Variants in STRA6 observed in about 807,000 individuals in gnomAD.
STRA6 encodes signaling receptor and transporter of retinol STRA6, also known as receptor for retinol uptake STRA6.
Under a neutral mutation model 83.6 loss-of-function variants are expected in STRA6, and 48 were observed. That is an observed-to-expected ratio of 0.57 (90% confidence interval 0.46 to 0.73). The LOEUF is 0.73. Among genes scored for constraint, STRA6 ranks in the 30% least tolerant of loss-of-function variants. The pLI is 0.00. For missense variants in STRA6, 760 were observed against 838.8 expected (o/e 0.91, Z 1.16); for synonymous variants, 353 against 362.3 (o/e 0.97, Z 0.29).
At chr15:74,184,922 A>G (rs2073167543) in intron 13 of STRA6, 58 bp downstream of exon 13, 1 of 1,567,366 alleles carries the variant, frequency 6.4e-7, no homozygotes, top group South Asian at 1.1e-5. Context: ...CCGCAGGCCC[A>G]CAGGACTCCC....
upstream of STRA6, among the ~76,000 whole-genome samples, chr15:74,206,265 G>C (rs1231317173): frequency 6.6e-6 from 1 of 152,240 alleles, no homozygotes; most frequent in Non-Finnish European, 1.5e-5. Flanking sequence ...AGGGTGGGCA[G>C]GCTGGGTTGA....
In STRA6 at chr15:74,183,871, C is replaced by A; in HGVS notation, c.1285G>T (p.Ala429Ser). The change falls in exon 14 of 19, where the codon GCC becomes TCC. Residue 429 changes from alanine to serine, a missense_variant. Ala to Ser is a moderately conservative substitution (Grantham distance 99). Transcript: ENST00000395105. The part of the protein sequence containing the change: ...CWMSFSAYQT[A>S]FICLGLLVQQ... ...GGAGGCTCACCAAGGCAGATAAAGG[C>A]TGTCTGGTAGGCACTGAAGCTCATC... 1 of 1,614,090 alleles carries A rather than the reference C, an allele frequency of 6.2e-7. No individual in the cohort carries two copies. The highest frequency in any genetic ancestry group is 8.5e-7 in the Non-Finnish European group (1 of 1,180,032).
In STRA6 at chr15:74,183,965, T is replaced by C. The variant is rs373116551; in HGVS notation, c.1191A>G (p.Arg397=). 83 of 1,613,590 alleles carry C rather than the reference T, an allele frequency of 5.1e-5. No individual in the cohort carries two copies. The highest frequency in any genetic ancestry group is 6.9e-5 in the Non-Finnish European group (81 of 1,180,036). Residue 397 remains arginine, a synonymous_variant, in exon 14 of 19, where the codon CGA becomes CGG. Coordinates refer to ENST00000395105, the MANE Select transcript of STRA6 (RefSeq NM_022369.4). ...THRTNLRALH[R]GAALDLSPLH... is the part of the protein sequence containing the mutation. Reference sequence around the variant, plus strand: ...AGGGACTCAAGTCCAGGGCAGCTCCTCGGTGCAGAGCTCGAAGGTTGGTCC... The same window carrying C: ...AGGGACTCAAGTCCAGGGCAGCTCCCCGGTGCAGAGCTCGAAGGTTGGTCC...
At chr15:74,183,672 C>T in intron 14 of STRA6, 184 bp downstream of exon 14, 1 of 1,532,716 alleles carries the variant, frequency 6.5e-7, no homozygotes, top group East Asian at 2.3e-5. Context: ...CCTGTACCCC[C>T]ATCCTGAATA....
chr15:74,207,873 C>A, intron 1 of STRA6: 1 of 1,515,804 alleles, frequency 6.6e-7, no homozygotes, highest in Non-Finnish European at 8.8e-7. Context: ...TGACTCCACA[C>A]AGTGGGCTGG....
chr15:74,197,377 A>G lies in STRA6; in HGVS notation c.227T>C (p.Leu76Pro). ...CCTGCCACGCACACAGTCAGGCCAG[A>G]GCTGGCGGCGCCTCACCAGCATGGC... is the stretch of plus-strand genomic sequence containing the variant. ...LLAMLVRRRQ[L>P]WPDCVRGRPG... is the part of the protein sequence containing the mutation. The change falls in exon 4 of 19, where the codon CTC becomes CCC. Residue 76 changes from leucine (L) to proline (P), a missense_variant. Transcript: ENST00000395105. 1.9e-6 allele frequency: 3 copies of G among 1,550,434 alleles called. No homozygotes were observed. Among genetic ancestry groups the G allele is most frequent in the Non-Finnish European group, 2.6e-6 (3 of 1,146,888 alleles).
At chr15:74,201,909 T>C (rs751757616) in intron 2 of STRA6, among the ~76,000 whole-genome samples, 3 of 152,124 alleles carry the variant, frequency 2.0e-5, no homozygotes, top group Non-Finnish European at 2.9e-5. Context: ...ACGTCACACA[T>C]CATACCTAAG....
At chr15:74,182,952 C>T (rs1481290810) in intron 14 of STRA6, 1 of 184,316 alleles carries the variant, frequency 5.4e-6, no homozygotes, top group African/African-American at 2.4e-5. Context: ...GACGCTATGA[C>T]TTTTGTCCTA....
chr15:74,210,930 A>C (rs1207482967), upstream of STRA6, among the ~76,000 whole-genome samples: 1 of 152,284 alleles, frequency 6.6e-6, no homozygotes, highest in East Asian at 1.9e-4. Flanking sequence ...GGACTATGAG[A>C]TAGAAGTCAT....
rs1300143029 is a variant in STRA6, at chr15:74,207,993, C to G, written c.-16+807G>C. 3 of 1,409,784 alleles carry G rather than the reference C, an allele frequency of 2.1e-6. No individual in the cohort carries two copies. The East Asian group carries it at 7.9e-5, about 37-fold the overall frequency. The allele number at this position is 1,409,784 out of a possible 1,614,324, so 87.3% of individuals were successfully genotyped here. On this transcript the variant is annotated intron_variant, in intron 1 of 18. Transcript: ENST00000323940. Reference sequence around the variant, plus strand: ...CTGCCATGTGGGAGGGTCAGAAGCACCATCTGATGTGCCCTTCCTGCAATT... The same window carrying G: ...CTGCCATGTGGGAGGGTCAGAAGCAGCATCTGATGTGCCCTTCCTGCAATT...
At chr15:74,210,162 A>C (rs377260178), upstream of STRA6, among the ~76,000 whole-genome samples, 2 of 152,218 alleles carry the variant, frequency 1.3e-5, no homozygotes, top group Non-Finnish European at 2.9e-5. Context: ...GGTTAAACCC[A>C]CATAAAGAGA....
chr15:74,196,146 G>A lies in STRA6; in HGVS notation c.268C>T (p.Pro90Ser). 6.2e-7 allele frequency: 1 copy of A among 1,613,690 alleles called. No homozygotes were observed. The highest frequency in any genetic ancestry group is 8.5e-7 in the Non-Finnish European group (1 of 1,179,992). ...CVRGRPGLPS[P>S]VDFLAGDRPR... is the part of the protein sequence containing the mutation. ...CTGTCCCCAGCCAAGAAATCCACAGGGCTAGCACAGAGGCAAGGACAGGGC... is the reference window on the plus strand; with the variant it reads ...CTGTCCCCAGCCAAGAAATCCACAGAGCTAGCACAGAGGCAAGGACAGGGC... Residue 90 changes from proline (P) to serine (S), a missense_variant and splice_region_variant, in exon 5 of 19, where the codon CCT becomes TCT. Pro to Ser is a moderately conservative substitution (Grantham distance 74). Coordinates refer to ENST00000395105, the MANE Select transcript of STRA6 (RefSeq NM_022369.4).
At chr15:74,199,652 G>A (rs1305186465) in intron 2 of STRA6, among the ~76,000 whole-genome samples, 1 of 152,168 alleles carries the variant, frequency 6.6e-6, no homozygotes, top group Admixed American at 6.5e-5. Context: ...GGGAGCCTCT[G>A]GCCCTTTCTG....
chr15:74,205,211 G>T (rs1390924271), upstream of STRA6, among the ~76,000 whole-genome samples: 12 of 152,122 alleles, frequency 7.9e-5, no homozygotes, highest in Admixed American at 7.9e-4. Context: ...AGAGAGGGAG[G>T]TACCAGTTGG....
chr15:74,181,315 C>T lies in STRA6; in HGVS notation c.1664G>A (p.Arg555Lys), dbSNP rs145465608. The change falls in exon 17 of 19, where the codon AGA (arginine) becomes AAA (lysine). Residue 555 changes from arginine to lysine, a missense_variant. Coordinates refer to ENST00000395105, the MANE Select transcript of STRA6 (RefSeq NM_022369.4). The part of the protein sequence containing the change: ...GQMDLSLLPP[R>K]AATLDPGYYT... Reference sequence around the variant, plus strand: ...CTTACCGGGGTCGAGAGTGGCGGCTCTCGGTGGCAGCAGGCTGAGGTCCAT... The same window carrying T: ...CTTACCGGGGTCGAGAGTGGCGGCTTTCGGTGGCAGCAGGCTGAGGTCCAT... 4 of 1,611,844 alleles carry T rather than the reference C, an allele frequency of 2.5e-6. No individual in the cohort carries two copies. The highest frequency in any genetic ancestry group is 1.3e-5 in the African/African-American group (1 of 74,832).
At chr15:74,184,938 TTC>T (rs1210351679) in intron 13 of STRA6, 40 bp downstream of exon 13, 5 of 1,599,718 alleles carry the variant, frequency 3.1e-6, no homozygotes, top group Non-Finnish European at 4.3e-6. Context: ...CTCCCACTCC[TTC>T]CCCACCTCGG....
chr15:74,189,818 C>G (rs1246377529), intron 11 of STRA6, among the ~76,000 whole-genome samples: 2 of 152,046 alleles, frequency 1.3e-5, no homozygotes, highest in African/African-American at 2.4e-5. Flanking sequence ...CCCGCGCCAC[C>G]ACCGCCAGCT....
intron 1 of STRA6, chr15:74,208,003 T>C: frequency 7.2e-7 from 1 of 1,396,104 alleles, no homozygotes; most frequent in Non-Finnish European, 9.3e-7. Context: ...CCATCTGATG[T>C]GCCCTTCCTG....
chr15:74,184,867 C>G (rs2073163566), intron 13 of STRA6, 113 bp downstream of exon 13: 1 of 1,083,598 alleles, frequency 9.2e-7, no homozygotes, highest in African/African-American at 1.6e-5. Context: ...TCCATGACAG[C>G]CCGGGCCGGC....
Sources: allele counts gnomAD v4.1 joint callset (sites outside exome capture counted in the v4.1 genomes callset), GRCh38; gene constraint gnomAD v4.1.1; transcripts MANE v1.5; gene names NCBI Gene and HGNC (gene_info 2026-07-23, HGNC 2026-07-21).